RBFOX1: variants seen among roughly 807,000 people sequenced by gnomAD.
RBFOX1 encodes the protein RNA binding fox-1 homolog 1.
In RBFOX1, 8 loss-of-function variants were observed where a neutral mutation model predicts 57.7. That is an observed-to-expected ratio of 0.14 (90% CI 0.08 to 0.25). The LOEUF (loss-of-function observed/expected upper bound fraction) is 0.25. RBFOX1 is among the 10% of genes least tolerant of loss of function. The pLI is 1.00. For missense variants in RBFOX1, 611 were observed against 548.5 expected, an observed-to-expected ratio of 1.11 and a Z score of -1.14; for synonymous variants, 326 against 222.4, an observed-to-expected ratio of 1.47 and a Z score of -4.15.
intron 3 of RBFOX1, among the ~76,000 whole-genome samples, chr16:5,689,236 A>G (rs973682721): frequency 6.6e-6 from 1 of 152,224 alleles, no homozygotes; most frequent in Non-Finnish European, 1.5e-5. Context: ...CAGCTCCATC[A>G]CTTATGATTT....
At chr16:6,629,755 C>T (rs1172846958) in intron 2 of RBFOX1, among the ~76,000 whole-genome samples, 2 of 152,172 alleles carry the variant, frequency 1.3e-5, no homozygotes. Context: ...ACATTTATTT[C>T]TAGCTTAATT....
chr16:6,879,426 C>T (rs1233846066), intron 3 of RBFOX1, among the ~76,000 whole-genome samples: 1 of 151,988 alleles, frequency 6.6e-6, no homozygotes, highest in Non-Finnish European at 1.5e-5. Flanking sequence ...TAGAATTTTC[C>T]CTTTACTTTA....
intron 4 of RBFOX1, among the ~76,000 whole-genome samples, chr16:7,493,925 T>C (rs942895798): frequency 2.0e-5 from 3 of 152,260 alleles, no homozygotes; most frequent in Non-Finnish European, 4.4e-5. Context: ...GTTTGGGTTC[T>C]TATAATTTTG....
chr16:5,422,128 G>A (rs183744636), intron 1 of RBFOX1, among the ~76,000 whole-genome samples: 1 of 152,190 alleles, frequency 6.6e-6, no homozygotes, highest in Admixed American at 6.5e-5. Flanking sequence ...GTACTAGTAA[G>A]CAAAGATGTA....
chr16:7,315,544 A>G (rs1048070010), intron 4 of RBFOX1, among the ~76,000 whole-genome samples: 9 of 150,964 alleles, frequency 6.0e-5, no homozygotes, highest in African/African-American at 1.5e-4. Flanking sequence ...ATGCTTATAA[A>G]TTTTTTTAAC....
intron 4 of RBFOX1, among the ~76,000 whole-genome samples, chr16:7,420,276 G>A (rs765159098): frequency 4.6e-5 from 7 of 152,210 alleles, no homozygotes; most frequent in Middle Eastern, 3.4e-3. Context: ...AGATTTTAAG[G>A]AAGCTAAGCC....
rs566847752 is a variant in RBFOX1, at chr16:7,497,780, C to G, written c.28-20367C>G. ...AAATTCAATGGATAACCTTGCAGAGCAAGATCTAACTCAGAATGTCTACGG... is the reference window on the plus strand; with the variant it reads ...AAATTCAATGGATAACCTTGCAGAGGAAGATCTAACTCAGAATGTCTACGG... On this transcript the variant is annotated intron_variant, in intron 4 of 15. Coordinates refer to ENST00000550418, the MANE Select transcript of RBFOX1 (RefSeq NM_018723.4). Among the ~76,000 whole-genome samples, 4 of 152,316 alleles carry G rather than the reference C, an allele frequency of 2.6e-5. No individual in the cohort carries two copies. In the South Asian group the frequency reaches 8.3e-4, roughly 32 times the overall value.
At chr16:6,950,021 G>A (rs1010614452) in intron 3 of RBFOX1, among the ~76,000 whole-genome samples, 10 of 150,758 alleles carry the variant, frequency 6.6e-5, no homozygotes, top group East Asian at 1.9e-4. Context: ...TTCTCGGCTC[G>A]CTGCAACGTC....
rs1285185015 is a variant in RBFOX1 at position 6,097,538 on chromosome 16, T to C, written c.-127+77546T>C. On this transcript the variant is annotated intron_variant, in intron 1 of 15. Transcript: ENST00000550418. The surrounding 1 kb of genome is among the most constrained non-coding windows in gnomAD (Gnocchi z 5.0). ...TTTCAACAAGCTCTCTGAGTGCTTCTTCTGAATGTTAAAGTATAAGAACCT... is the reference window on the plus strand; with the variant it reads ...TTTCAACAAGCTCTCTGAGTGCTTCCTCTGAATGTTAAAGTATAAGAACCT... Among the ~76,000 whole-genome samples the C allele has an allele frequency of 6.6e-6, 1 of 152,184 alleles. No homozygotes were observed. The highest frequency in any genetic ancestry group is 6.5e-5 in the Admixed American group (1 of 15,278).
intron 3 of RBFOX1, among the ~76,000 whole-genome samples, chr16:6,918,887 G>C (rs1363081519): frequency 6.6e-6 from 1 of 152,160 alleles, no homozygotes; most frequent in Non-Finnish European, 1.5e-5. Flanking sequence ...AGATGGAGGA[G>C]AAAGTGGGGG....
chr16:6,652,991 A>C (rs376631872), intron 2 of RBFOX1, among the ~76,000 whole-genome samples: 1 of 152,146 alleles, frequency 6.6e-6, no homozygotes, highest in Non-Finnish European at 1.5e-5. Context: ...CTGTGATCTC[A>C]TTCCCCTTTA....
At chr16:6,985,844 A>AAAAAAAAAC (rs1244376853) in intron 3 of RBFOX1, among the ~76,000 whole-genome samples, 21 of 122,388 alleles carry the variant, frequency 1.7e-4, no homozygotes, top group African/African-American at 5.1e-4. Context: ...AAAAAAAAAA[A>AAAAAAAAAC]AAACAGAATT....
chr16:6,360,036 A>T (rs1430256290), intron 2 of RBFOX1, among the ~76,000 whole-genome samples: 1 of 152,192 alleles, frequency 6.6e-6, no homozygotes, highest in Admixed American at 6.5e-5. Flanking sequence ...CTTATTTTCA[A>T]TATGCTGGTT....
chr16:6,351,368 A>ATT (rs1358836868), intron 2 of RBFOX1, among the ~76,000 whole-genome samples: 8,036 of 103,506 alleles, frequency 0.078, 453 homozygotes, highest in Non-Finnish European at 0.1. Context: ...ATATATATAT[A>ATT]TATATTTTTT....
At chr16:5,462,635 A>C (rs940474596) in intron 1 of RBFOX1, among the ~76,000 whole-genome samples, 3 of 152,188 alleles carry the variant, frequency 2.0e-5, no homozygotes, top group Non-Finnish European at 4.4e-5. Flanking sequence ...GGAATTTTGG[A>C]TGCTGATCAG....
chr16:5,311,955 C>T (rs571420083), intron 1 of RBFOX1, among the ~76,000 whole-genome samples: 6 of 152,200 alleles, frequency 3.9e-5, no homozygotes. Context: ...CCATCCTCCC[C>T]AGTAAATCAT....
At chr16:7,223,247 A>T (rs2092861768) in intron 4 of RBFOX1, among the ~76,000 whole-genome samples, 1 of 152,022 alleles carries the variant, frequency 6.6e-6, no homozygotes, top group Admixed American at 6.6e-5. Flanking sequence ...AGAGGGTAAG[A>T]CCTCTAGGGG....
intron 3 of RBFOX1, among the ~76,000 whole-genome samples, chr16:6,826,185 G>C (rs376711741): frequency 6.6e-6 from 1 of 152,094 alleles, no homozygotes; most frequent in African/African-American, 2.4e-5. Context: ...TCGCCACGTA[G>C]GTTGTATGTA....
intron 2 of RBFOX1, among the ~76,000 whole-genome samples, chr16:6,393,736 C>T (rs935878074): frequency 6.6e-6 from 1 of 152,162 alleles, no homozygotes; most frequent in Admixed American, 6.5e-5. Context: ...TAAGGAAAGG[C>T]AAGGCTGTGT....
Sources: gnomAD v4.1 joint callset for allele counts (sites outside exome capture counted in the v4.1 genomes callset) on GRCh38, gnomAD v4.1.1 for gene constraint, Gnocchi (gnomAD v3.1) non-coding constraint, MANE v1.5 for transcripts, NCBI Gene and HGNC (gene_info 2026-07-23, HGNC 2026-07-21) for gene names.